ANKFY1: variants seen among roughly 807,000 people sequenced by gnomAD.
The protein encoded by ANKFY1 is ankyrin repeat and FYVE domain-containing protein 1.
A neutral mutation model predicts 128.3 loss-of-function variants in ANKFY1; 47 were observed. The ratio of observed to expected loss-of-function variants is 0.37; its 90% confidence interval spans 0.29 to 0.47. The LOEUF (loss-of-function observed/expected upper bound fraction) is 0.47. ANKFY1 is among the 20% of genes least tolerant of loss of function. The probability of loss-of-function intolerance (pLI) is 1.00; values close to 1 mark genes in which losing one functional copy is unlikely to be tolerated. For synonymous variants in ANKFY1, 553 were observed against 601.6 expected (o/e 0.92, Z 1.18); for missense variants, 1,222 against 1,510.6 (o/e 0.81, Z 3.17).
chr17:4,262,290 C>T (rs1233758679), intron 1 of ANKFY1, among the ~76,000 whole-genome samples: 1 of 152,194 alleles, frequency 6.6e-6, no homozygotes, highest in Non-Finnish European at 1.5e-5. Context: ...CACCCGCCAT[C>T]ACTCCATTCA....
intron 1 of ANKFY1, 120 bp downstream of exon 1, chr17:4,263,812 G>A (rs1364685966): frequency 1.8e-5 from 29 of 1,606,840 alleles, no homozygotes; most frequent in East Asian, 2.2e-5. Flanking sequence ...GAAGGCTCGC[G>A]AGACCCGCGG....
intron 3 of ANKFY1, chr17:4,223,644 C>G: frequency 1.3e-6 from 2 of 1,576,144 alleles, no homozygotes; most frequent in Admixed American, 1.7e-5. Context: ...TACATGGACA[C>G]TGACCCCTTC....
At chr17:4,173,852 C>T in intron 20 of ANKFY1, 57 bp downstream of exon 20, 2 of 1,573,062 alleles carry the variant, frequency 1.3e-6, no homozygotes, top group East Asian at 2.3e-5. Context: ...GTGCACTGCA[C>T]CCCCACCCCT....
At chr17:4,247,498 C>A (rs887961136) in intron 1 of ANKFY1, among the ~76,000 whole-genome samples, 1 of 152,138 alleles carries the variant, frequency 6.6e-6, no homozygotes, top group African/African-American at 2.4e-5. Flanking sequence ...TCGGGGGAAA[C>A]CCAAAGGATC....
intron 7 of ANKFY1, among the ~76,000 whole-genome samples, chr17:4,198,025 A>C (rs1439193783): frequency 6.6e-6 from 1 of 151,942 alleles, no homozygotes; most frequent in Non-Finnish European, 1.5e-5. Flanking sequence ...GCTACTTGGG[A>C]GGCTGAGGCA....
intron 1 of ANKFY1, 95 bp from the exon 2 acceptor site, chr17:4,242,543 G>A (rs1344768147): frequency 3.6e-6 from 4 of 1,104,810 alleles, no homozygotes; most frequent in Non-Finnish European, 5.0e-6. Flanking sequence ...AGCTCCCAAA[G>A]TGACTGGCCA....
chr17:4,195,511 C>A, intron 8 of ANKFY1, 40 bp from the exon 9 acceptor site: 1 of 1,555,594 alleles, frequency 6.4e-7, no homozygotes, highest in South Asian at 1.1e-5. Context: ...TCAGGACAGG[C>A]CTGTTCAGGA....
At chr17:4,196,187 ACACACT>A (rs1402295431) in intron 8 of ANKFY1, among the ~76,000 whole-genome samples, 3 of 111,596 alleles carry the variant, frequency 2.7e-5, no homozygotes, top group African/African-American at 6.5e-5. Context: ...ACACACACAC[ACACACT>A]GCGAGTTTAT....
intron 8 of ANKFY1, among the ~76,000 whole-genome samples, chr17:4,196,502 C>T (rs965491207): frequency 6.6e-6 from 1 of 152,098 alleles, no homozygotes; most frequent in East Asian, 1.9e-4. Context: ...CACCACTGTC[C>T]CAAGACAAGT....
chr17:4,173,326 G>C (rs369279787), intron 21 of ANKFY1, 28 bp downstream of exon 21: 2 of 1,604,574 alleles, frequency 1.2e-6, no homozygotes, highest in Non-Finnish European at 1.7e-6. Context: ...CAGGCGCCGC[G>C]GGGCCTACTC....
chr17:4,219,066 G>A (rs1178924756), intron 3 of ANKFY1, among the ~76,000 whole-genome samples: 1 of 152,034 alleles, frequency 6.6e-6, no homozygotes, highest in Non-Finnish European at 1.5e-5. Flanking sequence ...AACCCAGGTG[G>A]AATTTATAAC....
chr17:4,188,496 T>G (rs1005483094), intron 11 of ANKFY1: 1 of 152,124 alleles, frequency 6.6e-6, no homozygotes, highest in African/African-American at 2.4e-5. Flanking sequence ...AAATAGAGAA[T>G]TGATTGATGT....
chr17:4,187,419 TC>T (rs1322426337), intron 11 of ANKFY1: 1 of 396,376 alleles, frequency 2.5e-6, no homozygotes, highest in Non-Finnish European at 4.4e-6. Flanking sequence ...CAGGCAGTTT[TC>T]TCAGCTCCAG....
intron 3 of ANKFY1, among the ~76,000 whole-genome samples, 168 bp from the exon 4 acceptor site, chr17:4,217,286 C>T (rs1017499243): frequency 6.6e-6 from 1 of 152,170 alleles, no homozygotes; most frequent in African/African-American, 2.4e-5. Flanking sequence ...CAGTGGCTCA[C>T]GCCTGTAATC....
At chr17:4,194,869 T>A in intron 10 of ANKFY1, 109 bp downstream of exon 10, 1 of 991,196 alleles carries the variant, frequency 1.0e-6, no homozygotes, top group Non-Finnish European at 1.5e-6. Flanking sequence ...AAAATAATTA[T>A]CCTCATAGTA....
intron 3 of ANKFY1, chr17:4,223,048 G>T (rs2060355147): frequency 5.4e-6 from 4 of 741,304 alleles, no homozygotes; most frequent in Non-Finnish European, 9.8e-6. Flanking sequence ...CTCCAAGAAG[G>T]TACTCTTGGG....
At chr17:4,215,016 C>T (rs981937472) in intron 4 of ANKFY1, among the ~76,000 whole-genome samples, 1 of 152,034 alleles carries the variant, frequency 6.6e-6, no homozygotes, top group South Asian at 2.1e-4. Flanking sequence ...TAGCCAGGCA[C>T]GGTAGGTCAC....
intron 3 of ANKFY1, among the ~76,000 whole-genome samples, chr17:4,226,005 C>T (rs1015822393): frequency 5.9e-5 from 9 of 152,248 alleles, no homozygotes; most frequent in African/African-American, 2.2e-4. Context: ...TCAAGGGATC[C>T]GCTTGCCTCA....
chr17:4,224,336 C>T (rs2060385115), intron 3 of ANKFY1, among the ~76,000 whole-genome samples: 1 of 151,620 alleles, frequency 6.6e-6, no homozygotes, highest in Non-Finnish European at 1.5e-5. Context: ...CATTCTCCCG[C>T]CTCAGCCTCC....
Sources: allele counts gnomAD v4.1 joint callset (sites outside exome capture counted in the v4.1 genomes callset), GRCh38; gene constraint gnomAD v4.1.1; transcripts MANE v1.5; gene names NCBI Gene and HGNC (gene_info 2026-07-23, HGNC 2026-07-21).